Variants in ADAMTS16 observed in about 807,000 individuals in gnomAD.
ADAMTS16 encodes ADAM metallopeptidase with thrombospondin type 1 motif 16, also known as A disintegrin and metalloproteinase with thrombospondin motifs 16.
A neutral mutation model predicts 145.8 loss-of-function variants in ADAMTS16; 94 were observed. The ratio of observed to expected loss-of-function variants is 0.64; its 90% confidence interval spans 0.55 to 0.77. The LOEUF is 0.77. ADAMTS16 is among the 30% of genes least tolerant of loss of function. ADAMTS16 has a pLI of 0.00. For missense variants in ADAMTS16, 1,585 were observed against 1,591.5 expected, an observed-to-expected ratio of 1.00 and a Z score of 0.07; for synonymous variants, 659 against 604.3, an observed-to-expected ratio of 1.09 and a Z score of -1.33.
At chr5:5,241,510 T>C (rs544433546) in intron 16 of ADAMTS16, among the ~76,000 whole-genome samples, 5 of 152,348 alleles carry the variant, frequency 3.3e-5, no homozygotes, top group African/African-American at 1.2e-4. Flanking sequence ...GCATGGATCA[T>C]ACCTATTGCT....
intron 18 of ADAMTS16, among the ~76,000 whole-genome samples, chr5:5,276,804 G>A (rs1020637163): frequency 2.0e-5 from 3 of 152,014 alleles, no homozygotes; most frequent in Non-Finnish European, 4.4e-5. Context: ...ATCTCCCTCA[G>A]AGTGTGACCA....
chr5:5,170,602 T>C (rs923926193), intron 3 of ADAMTS16, among the ~76,000 whole-genome samples: 2 of 152,098 alleles, frequency 1.3e-5, no homozygotes, highest in African/African-American at 4.8e-5. Context: ...GGTCTTGAAC[T>C]CCCGACCTCA....
At chr5:5,199,612 A>G (rs1002457084) in intron 8 of ADAMTS16, among the ~76,000 whole-genome samples, 2 of 152,204 alleles carry the variant, frequency 1.3e-5, no homozygotes, top group African/African-American at 2.4e-5. Context: ...TCAGCCCACC[A>G]TTAGTTGCAG....
intron 17 of ADAMTS16, among the ~76,000 whole-genome samples, chr5:5,252,419 T>C (rs1000981676): frequency 7.2e-5 from 11 of 152,214 alleles, no homozygotes; most frequent in Non-Finnish European, 1.6e-4. Context: ...TAAAGTGGCA[T>C]TTCAGGGATT....
intron 18 of ADAMTS16, among the ~76,000 whole-genome samples, chr5:5,285,975 C>A (rs16875236): frequency 7.9e-5 from 12 of 152,110 alleles, no homozygotes; most frequent in African/African-American, 2.9e-4. Flanking sequence ...GCGACTTGTG[C>A]GTATGTAGAC....
At chr5:5,220,305 A>G (rs1283033774) in intron 10 of ADAMTS16, among the ~76,000 whole-genome samples, 10 of 150,284 alleles carry the variant, frequency 6.7e-5, no homozygotes, top group Admixed American at 2.0e-4. Context: ...GACTACAGGC[A>G]CCCGCCACCA....
rs200139658 is a variant in ADAMTS16 at position 5,182,261 on chromosome 5, T to C, written c.719T>C (p.Leu240Pro). 7.7e-5 allele frequency: 125 copies of C among 1,613,838 alleles called. No homozygotes were observed. The African/African-American group carries it at 1.5e-3, about 19-fold the overall frequency. The part of the protein sequence containing the change: ...HQPLHSSDLR[L>P]GLPQKQHFCG... ...CCCCTGCACAGCAGCGACCTTCGCC[T>C]GGGACTGCCACAAAAGCAGCATTTC... is the stretch of plus-strand genomic sequence containing the variant. Residue 240 changes from leucine (L) to proline (P), a missense_variant, in exon 4 of 23, where the codon CTG becomes CCG. Coordinates refer to ENST00000274181, the MANE Select transcript of ADAMTS16 (RefSeq NM_139056.4).
chr5:5,317,248 G>A lies in ADAMTS16; in HGVS notation c.3412-886G>A, dbSNP rs1734090121. On this transcript the variant is annotated intron_variant, in intron 21 of 22. Transcript: ENST00000274181. The surrounding 1 kb of genome is among the most constrained non-coding windows in gnomAD (Gnocchi z 4.5). ...AAACCAAGATGTTAAGTCTTTTCAT[G>A]TTTTTCAATCAGAAGGATAACTTGT... Among the ~76,000 whole-genome samples the A allele has an allele frequency of 6.6e-6, 1 of 152,178 alleles. No homozygotes were observed. The highest frequency in any genetic ancestry group is 2.4e-5 in the African/African-American group (1 of 41,450).
intron 20 of ADAMTS16, among the ~76,000 whole-genome samples, chr5:5,304,590 C>G (rs988639724): frequency 2.0e-5 from 3 of 152,102 alleles, no homozygotes; most frequent in Non-Finnish European, 4.4e-5. Flanking sequence ...GGACCCGGAT[C>G]TCATCAGGCA....
intron 2 of ADAMTS16, among the ~76,000 whole-genome samples, chr5:5,144,501 ATTG>A (rs1242368085): frequency 6.6e-6 from 1 of 152,154 alleles, no homozygotes. Context: ...GTTGTTGATT[ATTG>A]TTTAAAATTT....
At position 5,242,178 on chromosome 5, in the gene ADAMTS16, G is replaced by A; in HGVS notation, c.2649G>A (p.Val883=). 6.2e-7 allele frequency: 1 copy of A among 1,614,002 alleles called. No individual in the cohort carries two copies. The highest frequency in any genetic ancestry group is 8.5e-7 in the Non-Finnish European group (1 of 1,180,012). ...CCATCGTGCGCTCTGAGTGCTCCGT[G>A]TCCTGCGGAGGGGGTAGGTGCCTTC... is the stretch of plus-strand genomic sequence containing the variant. ...TWAIVRSECS[V]SCGGGQMTVR... The change falls in exon 17 of 23, where the codon GTG becomes GTA. Residue 883 remains valine (V), a synonymous_variant. Coordinates refer to ENST00000274181, the MANE Select transcript of ADAMTS16 (RefSeq NM_139056.4).
At chr5:5,285,980 G>A (rs1739087522) in intron 18 of ADAMTS16, among the ~76,000 whole-genome samples, 1 of 152,194 alleles carries the variant, frequency 6.6e-6, no homozygotes, top group Non-Finnish European at 1.5e-5. Context: ...TTGTGCGTAT[G>A]TAGACTTTGC....
intron 11 of ADAMTS16, among the ~76,000 whole-genome samples, chr5:5,227,170 G>A (rs900547041): frequency 6.6e-6 from 1 of 152,246 alleles, no homozygotes; most frequent in African/African-American, 2.4e-5. Flanking sequence ...AGCTCGCAGA[G>A]CAGATCTATG....
chr5:5,210,968 A>G (rs996914912), intron 10 of ADAMTS16, among the ~76,000 whole-genome samples: 3 of 152,180 alleles, frequency 2.0e-5, no homozygotes, highest in Non-Finnish European at 4.4e-5. Flanking sequence ...GTTCATTTTT[A>G]TAATCTGCTG....
At chr5:5,163,732 G>A (rs568307570) in intron 3 of ADAMTS16, among the ~76,000 whole-genome samples, 1 of 152,234 alleles carries the variant, frequency 6.6e-6, no homozygotes, top group South Asian at 2.1e-4. Context: ...GAAAATTTTG[G>A]TGTCTAAGGT....
intron 18 of ADAMTS16, among the ~76,000 whole-genome samples, chr5:5,273,462 G>T (rs899029423): frequency 4.6e-5 from 7 of 152,232 alleles, no homozygotes; most frequent in Admixed American, 2.0e-4. Flanking sequence ...GGCAGAGGTT[G>T]CCCTGATGGC....
At chr5:5,217,511 C>T (rs372410205) in intron 10 of ADAMTS16, among the ~76,000 whole-genome samples, 6 of 152,014 alleles carry the variant, frequency 3.9e-5, no homozygotes, top group Non-Finnish European at 7.4e-5. Context: ...GTCTGTAATC[C>T]GACTCAAGTT....
At position 5,317,362 on chromosome 5, in the gene ADAMTS16, C is replaced by G. The variant is rs1351757564; in HGVS notation, c.3412-772C>G. 2.6e-5 allele frequency among the ~76,000 whole-genome samples: 4 copies of G among 152,050 alleles called. No homozygotes were observed. In the East Asian group the frequency reaches 7.8e-4, roughly 30 times the overall value. Reference sequence around the variant, plus strand: ...TAATATGCCAATCCATGAATATCAGCTTTTTTAATCAGTATACTTACTTAC... The same window carrying G: ...TAATATGCCAATCCATGAATATCAGGTTTTTTAATCAGTATACTTACTTAC... On this transcript the variant is annotated intron_variant, in intron 21 of 22. Transcript: ENST00000274181. The surrounding 1 kb of genome is among the most constrained non-coding windows in gnomAD (Gnocchi z 4.5).
At chr5:5,209,347 C>T (rs1579312707) in intron 10 of ADAMTS16, 101 bp downstream of exon 10, 1 of 1,375,394 alleles carries the variant, frequency 7.3e-7, no homozygotes, top group Non-Finnish European at 1.0e-6. Context: ...GGGTACCTAC[C>T]AAATGTCAAA....
Sources: allele counts gnomAD v4.1 joint callset (sites outside exome capture counted in the v4.1 genomes callset), GRCh38; gene constraint gnomAD v4.1.1; non-coding constraint Gnocchi (gnomAD v3.1); transcripts MANE v1.5; gene names NCBI Gene and HGNC (gene_info 2026-07-23, HGNC 2026-07-21).